Variants in NREP observed in about 807,000 individuals in gnomAD.
The protein encoded by NREP is neuronal regeneration-related protein.
A neutral mutation model predicts 8.6 loss-of-function variants in NREP; 5 were observed. The ratio of observed to expected loss-of-function variants is 0.58; its 90% confidence interval spans 0.30 to 1.22. The LOEUF is 1.22. NREP is among the 50% of genes most tolerant of loss of function. The pLI is 0.07. For missense variants in NREP, 86 were observed against 82.5 expected (o/e 1.04, Z -0.17); for synonymous variants, 27 against 28.0 (o/e 0.96, Z 0.11).
At chr5:111,899,341 C>G (rs1754587127) in intron 2 of NREP, among the ~76,000 whole-genome samples, 1 of 151,964 alleles carries the variant, frequency 6.6e-6, no homozygotes, top group Admixed American at 6.6e-5. Context: ...TAGAAGGATC[C>G]CATCTCTACA....
intron 2 of NREP, among the ~76,000 whole-genome samples, chr5:111,944,381 T>A (rs1581239566): frequency 6.6e-6 from 1 of 152,038 alleles, no homozygotes; most frequent in African/African-American, 2.4e-5. Context: ...AATCTTGGCT[T>A]ACTGCAGCCT....
intron 2 of NREP, among the ~76,000 whole-genome samples, chr5:111,809,739 C>A (rs1313798804): frequency 6.6e-6 from 1 of 152,132 alleles, no homozygotes; most frequent in African/African-American, 2.4e-5. Flanking sequence ...CTAAATAAAC[C>A]TTTTTTTAAA....
chr5:111,844,452 A>T (rs566159381), intron 2 of NREP, among the ~76,000 whole-genome samples: 6 of 151,616 alleles, frequency 4.0e-5, no homozygotes, highest in African/African-American at 1.4e-4. Flanking sequence ...CACAATTTAA[A>T]GCATTATTTT....
At chr5:111,757,925 C>T (rs1168099614), upstream of NREP, 2 of 985,416 alleles carry the variant, frequency 2.0e-6, no homozygotes, top group Non-Finnish European at 2.4e-6. Flanking sequence ...GGCGGCGCGG[C>T]CCGTACTGTA....
chr5:111,830,165 G>A (rs1050051213), intron 2 of NREP, among the ~76,000 whole-genome samples: 1 of 151,428 alleles, frequency 6.6e-6, no homozygotes, highest in Non-Finnish European at 1.5e-5. Context: ...TTTTTTTGTT[G>A]TTGTTGTTGT....
chr5:111,901,390 T>C (rs188675360), intron 2 of NREP, among the ~76,000 whole-genome samples: 128 of 152,196 alleles, frequency 8.4e-4, no homozygotes, highest in African/African-American at 3.0e-3. Flanking sequence ...GAGGAAAAGC[T>C]CAAAACCTTT....
chr5:111,811,705 T>C (rs1752272631), intron 2 of NREP, among the ~76,000 whole-genome samples: 2 of 152,240 alleles, frequency 1.3e-5, no homozygotes, highest in Non-Finnish European at 2.9e-5. Flanking sequence ...AAAACTTTTG[T>C]TCAGAACTAA....
rs370028444 is a variant in NREP at position 111,976,634 on chromosome 5, C to T, written c.30+76G>A. On this transcript the variant is annotated intron_variant, in intron 1 of 3. Coordinates refer to the NREP transcript ENST00000395634. Reference sequence around the variant, plus strand: ...AATGGAGAGGTCAGTGAGGCAGAGACAAACATCCTATAATTGTTTTCTTCC... The same window carrying T: ...AATGGAGAGGTCAGTGAGGCAGAGATAAACATCCTATAATTGTTTTCTTCC... 1.0e-3 allele frequency: 1,313 copies of T among 1,274,788 alleles called. 4 individuals carry two copies. Among genetic ancestry groups the T allele is most frequent in the Middle Eastern group, 2.0e-3 (8 of 3,956 alleles). The allele number at this position is 1,274,788 out of a possible 1,614,324, so 79.0% of individuals were successfully genotyped here.
chr5:111,762,438 T>C (rs1317528946), upstream of NREP, among the ~76,000 whole-genome samples: 1 of 152,032 alleles, frequency 6.6e-6, no homozygotes, highest in Non-Finnish European at 1.5e-5. Flanking sequence ...ATGGGCTGAA[T>C]TGTGTCCCCT....
chr5:111,783,073 T>G (rs958323544), intron 2 of NREP, among the ~76,000 whole-genome samples: 4 of 152,112 alleles, frequency 2.6e-5, no homozygotes, highest in African/African-American at 9.7e-5. Flanking sequence ...AGGCTCTGGG[T>G]GAACTCATGG....
At chr5:111,790,630 A>G (rs13173034) in intron 2 of NREP, among the ~76,000 whole-genome samples, 150,045 of 152,140 alleles carry the variant, frequency 0.99, 74,032 homozygotes, top group Non-Finnish European at 1. Flanking sequence ...TCGCCTATCC[A>G]TGTTTAAAAT....
intron 2 of NREP, among the ~76,000 whole-genome samples, chr5:111,935,326 A>G (rs1287565192): frequency 6.6e-6 from 1 of 152,092 alleles, no homozygotes; most frequent in African/African-American, 2.4e-5. Flanking sequence ...TTACCCCAGC[A>G]CGGCTTGGAC....
intron 3 of NREP, chr5:111,732,545 C>T (rs1748686563): frequency 1.3e-5 from 2 of 151,524 alleles, no homozygotes; most frequent in East Asian, 1.9e-4. Context: ...TATAATTCAC[C>T]ACTCACACAC....
intron 2 of NREP, among the ~76,000 whole-genome samples, chr5:111,802,967 C>A (rs577731473): frequency 2.0e-5 from 3 of 152,174 alleles, no homozygotes; most frequent in South Asian, 4.1e-4. Flanking sequence ...AATTTGTTGG[C>A]TGATTGACTG....
At chr5:111,973,498 T>C (rs752876294) in intron 2 of NREP, among the ~76,000 whole-genome samples, 10 of 152,206 alleles carry the variant, frequency 6.6e-5, no homozygotes, top group Non-Finnish European at 1.2e-4. Flanking sequence ...GAGTTTATTT[T>C]CCAGTCAAAA....
intron 2 of NREP, among the ~76,000 whole-genome samples, chr5:111,820,981 A>T (rs1752501371): frequency 6.6e-6 from 1 of 152,224 alleles, no homozygotes; most frequent in Non-Finnish European, 1.5e-5. Context: ...ACTTTCAGAA[A>T]TATAAAGACA....
At chr5:111,755,122 C>A (rs937750195) in intron 2 of NREP, among the ~76,000 whole-genome samples, 1 of 152,038 alleles carries the variant, frequency 6.6e-6, no homozygotes, top group Non-Finnish European at 1.5e-5. Context: ...TTTCCTTAAT[C>A]AGTAATCAAA....
Position 111,730,068 on chromosome 5 carries a change from G to T in NREP, c.*853C>A, listed in dbSNP as rs767916038. ...CTCTAAGTCAGGCAGGCGAGGCTAC[G>T]GAAAGGAAGAGATTTGGTAAGTAAA... is the stretch of plus-strand genomic sequence containing the variant. On this transcript the variant is annotated 3_prime_UTR_variant, in exon 4 of 4. Transcript: ENST00000257435. 4 of 152,566 alleles carry T rather than the reference G, an allele frequency of 2.6e-5. No individual in the cohort carries two copies. Among genetic ancestry groups the T allele is most frequent in the African/African-American group, 9.6e-5 (4 of 41,488 alleles). 9.5% of individuals were successfully genotyped at this position (152,566 alleles called of 1,614,324 possible).
At chr5:111,778,665 G>A (rs1423316310) in intron 2 of NREP, among the ~76,000 whole-genome samples, 2 of 151,966 alleles carry the variant, frequency 1.3e-5, no homozygotes, top group Middle Eastern at 3.2e-3. Context: ...TTTCAGTATT[G>A]CTTTACAAGT....
Sources: allele counts gnomAD v4.1 joint callset (sites outside exome capture counted in the v4.1 genomes callset), GRCh38; gene constraint gnomAD v4.1.1; transcripts MANE v1.5; gene names NCBI Gene and HGNC (gene_info 2026-07-23, HGNC 2026-07-21).